Variants in ADARB1 observed in about 807,000 individuals in gnomAD.
ADARB1 encodes the protein double-stranded RNA-specific editase 1.
Under a neutral mutation model 52.4 loss-of-function variants are expected in ADARB1, and 10 were observed. The observed-to-expected ratio is 0.19, with a 90% CI of 0.12 to 0.32. The LOEUF (loss-of-function observed/expected upper bound fraction) is 0.32. Among genes scored for constraint, ADARB1 ranks in the 10% least tolerant of loss-of-function variants. ADARB1 has a pLI of 1.00. For missense variants in ADARB1, 643 were observed against 922.3 expected, an observed-to-expected ratio of 0.70 and a Z score of 3.92; for synonymous variants, 349 against 371.1, an observed-to-expected ratio of 0.94 and a Z score of 0.68.
At position 45,222,286 on chromosome 21, in the gene ADARB1, T is replaced by A; in HGVS notation, c.*89T>A. The A allele has an allele frequency of 1.4e-6, 2 of 1,399,010 alleles. No homozygotes were observed. The allele number at this position is 1,399,010 out of a possible 1,614,324, so 86.7% of individuals were successfully genotyped here. A position where few individuals can be genotyped will look rare whatever the true frequency, so the allele number is the denominator to read the frequency against. ...CACATCTGAACTGGGGGCAGGTGCA[T>A]ACCTTGGGGAGGGAGTAGGGGGACA... is the stretch of plus-strand genomic sequence containing the variant. On this transcript the variant is annotated 3_prime_UTR_variant, in exon 11 of 11. Transcript: ENST00000348831.
intron 9 of ADARB1, among the ~76,000 whole-genome samples, chr21:45,217,050 A>G (rs757609260): frequency 6.6e-6 from 1 of 151,966 alleles, no homozygotes; most frequent in Non-Finnish European, 1.5e-5. Context: ...AGCACAGTGT[A>G]TCTTCTATCC....
In ADARB1 at chr21:45,220,233, GT is replaced by G. The variant is rs1256644446; in HGVS notation, c.1748-597del. 6.6e-6 allele frequency among the ~76,000 whole-genome samples: 1 copy of G among 152,196 alleles called. No individual in the cohort carries two copies. The highest frequency in any genetic ancestry group is 1.9e-4 in the East Asian group (1 of 5,190). ...GCCAAAAAATTTTGAAATCCATGAG[GT>G]TTTTTCATAATAAGCATTTTCCATG... is the stretch of plus-strand genomic sequence containing the variant. On this transcript the variant is annotated intron_variant, in intron 9 of 10. Coordinates refer to ENST00000348831, the MANE Select transcript of ADARB1 (RefSeq NM_001112.4). This position sits in a 1 kb window ranked among gnomAD's most constrained non-coding sequence, Gnocchi z 6.3.
intron 1 of ADARB1, among the ~76,000 whole-genome samples, chr21:45,088,422 A>G (rs1019430476): frequency 6.6e-6 from 1 of 152,228 alleles, no homozygotes; most frequent in African/African-American, 2.4e-5. Context: ...GAAATGAGTA[A>G]TGATAGTATA....
At chr21:45,210,180 G>A (rs1374009084) in intron 9 of ADARB1, among the ~76,000 whole-genome samples, 4 of 152,092 alleles carry the variant, frequency 2.6e-5, no homozygotes, top group African/African-American at 7.2e-5. Context: ...ATGTCTGTTG[G>A]GTTTTCAGTT....
At chr21:45,148,101 C>A (rs1026729287) in intron 2 of ADARB1, among the ~76,000 whole-genome samples, 1 of 152,208 alleles carries the variant, frequency 6.6e-6, no homozygotes, top group African/African-American at 2.4e-5. Flanking sequence ...TCTGTGAGAA[C>A]GGAGGCTCTG....
At chr21:45,162,756 G>A (rs999809645) in intron 2 of ADARB1, among the ~76,000 whole-genome samples, 10 of 152,252 alleles carry the variant, frequency 6.6e-5, no homozygotes, top group East Asian at 1.9e-4. Flanking sequence ...GGCTTGCTCC[G>A]CCTATAGAAC....
intron 5 of ADARB1, 149 bp downstream of exon 5, chr21:45,180,593 GA>G: frequency 1.4e-6 from 1 of 701,838 alleles, no homozygotes; most frequent in Non-Finnish European, 2.5e-6. Context: ...GCAAGTTTAC[GA>G]ACTGCACTTA....
chr21:45,225,298 T>G lies in ADARB1; in HGVS notation c.*3101T>G. Reference sequence around the variant, plus strand: ...CCTGGTCGTACGCCAGGCCCACCTCTTCCCAGCAAGGGACGCCAAAGAACT... The same window carrying G: ...CCTGGTCGTACGCCAGGCCCACCTCGTCCCAGCAAGGGACGCCAAAGAACT... On this transcript the variant is annotated 3_prime_UTR_variant, in exon 11 of 11. Coordinates refer to ENST00000348831, the MANE Select transcript of ADARB1 (RefSeq NM_001112.4). 3 of 1,187,556 alleles carry G rather than the reference T, an allele frequency of 2.5e-6. No homozygotes were observed. The highest frequency in any genetic ancestry group is 3.1e-6 in the Non-Finnish European group (3 of 960,144). The allele number at this position is 1,187,556 out of a possible 1,614,324, so 73.6% of individuals were successfully genotyped here. A position where few individuals can be genotyped will look rare whatever the true frequency, so the allele number is the denominator to read the frequency against.
intron 2 of ADARB1, chr21:45,133,746 G>A (rs907501436): frequency 5.9e-5 from 16 of 272,196 alleles, no homozygotes; most frequent in Non-Finnish European, 9.2e-5. Flanking sequence ...TGCGCCCACC[G>A]GGTGTGTGCC....
chr21:45,144,578 A>G (rs2089912995), intron 2 of ADARB1: 1 of 433,296 alleles, frequency 2.3e-6, no homozygotes, highest in South Asian at 1.7e-5. Context: ...GAATTTCTGG[A>G]TTCTCATGAA....
At chr21:45,207,731 A>G (rs1187008580) in intron 9 of ADARB1, among the ~76,000 whole-genome samples, 2 of 152,188 alleles carry the variant, frequency 1.3e-5, no homozygotes, top group Non-Finnish European at 2.9e-5. Flanking sequence ...TTTTATTATA[A>G]AGGTCATTCC....
chr21:45,081,471 G>T (rs1420002882), intron 1 of ADARB1, among the ~76,000 whole-genome samples: 1 of 152,204 alleles, frequency 6.6e-6, no homozygotes, highest in Non-Finnish European at 1.5e-5. Context: ...TTGTTCAATT[G>T]TAGGCTAATG....
Position 45,176,619 on chromosome 21 carries a change from T to C in ADARB1, c.918T>C (p.Ser306=). 6.2e-7 allele frequency: 1 copy of C among 1,613,762 alleles called. No homozygotes were observed. Among genetic ancestry groups the C allele is most frequent in the Non-Finnish European group, 8.5e-7 (1 of 1,179,858 alleles). ...IFNLHLDQTP[S]RQPIPSEGLQ... ...ACTTGCACTTGGATCAGACGCCATC[T>C]CGCCAGCCTATTCCCAGTGAGGGTC... The change falls in exon 4 of 11, where the codon TCT becomes TCC. Residue 306 remains serine, a synonymous_variant. Transcript: ENST00000348831. This position sits in a 1 kb window ranked among gnomAD's most constrained non-coding sequence, Gnocchi z 5.8.
At chr21:45,173,209 TGTA>T (rs2091559281) in intron 3 of ADARB1, among the ~76,000 whole-genome samples, 1 of 152,222 alleles carries the variant, frequency 6.6e-6, no homozygotes, top group South Asian at 2.1e-4. Context: ...AAGCCGATGT[TGTA>T]GTGCTAAAAC....
chr21:45,084,607 T>C (rs541838628), intron 1 of ADARB1, among the ~76,000 whole-genome samples: 1 of 152,240 alleles, frequency 6.6e-6, no homozygotes, highest in Non-Finnish European at 1.5e-5. Flanking sequence ...TTTTCACTTC[T>C]GTAAGTCCAG....
chr21:45,222,892 CGT>C lies in ADARB1; in HGVS notation c.*697_*698del, dbSNP rs1236631846. 1.0e-6 allele frequency: 1 copy of C among 985,390 alleles called. No individual in the cohort carries two copies. The highest frequency in any genetic ancestry group is 1.2e-6 in the Non-Finnish European group (1 of 829,992). 61.0% of individuals were successfully genotyped at this position (985,390 alleles called of 1,614,324 possible). ...GCAGTGACTGTGTGTCCTGCAGAGG[CGT>C]GACCCAGGCCCCTGTAGCCCTCAGC... On this transcript the variant is annotated 3_prime_UTR_variant, in exon 11 of 11. Coordinates refer to ENST00000348831, the MANE Select transcript of ADARB1 (RefSeq NM_001112.4).
intron 1 of ADARB1, among the ~76,000 whole-genome samples, chr21:45,095,176 C>G (rs1461225175): frequency 1.3e-5 from 2 of 152,252 alleles, no homozygotes; most frequent in African/African-American, 4.8e-5. Context: ...CAGTGCCACC[C>G]TGGCATCCTT....
chr21:45,210,383 G>C (rs567302848), intron 9 of ADARB1, among the ~76,000 whole-genome samples: 1 of 152,182 alleles, frequency 6.6e-6, no homozygotes, highest in Non-Finnish European at 1.5e-5. Context: ...TTCTAAACTC[G>C]AGATCCTACG....
intron 7 of ADARB1, chr21:45,184,703 A>C: frequency 4.3e-6 from 2 of 465,046 alleles, no homozygotes; most frequent in Non-Finnish European, 7.7e-6. Context: ...CACCTGCCTC[A>C]GCCTCCCAAA....
Sources: gnomAD v4.1 joint callset for allele counts (sites outside exome capture counted in the v4.1 genomes callset) on GRCh38, gnomAD v4.1.1 for gene constraint, Gnocchi (gnomAD v3.1) non-coding constraint, MANE v1.5 for transcripts, NCBI Gene and HGNC (gene_info 2026-07-23, HGNC 2026-07-21) for gene names.